SCAI: variants seen among roughly 807,000 people sequenced by gnomAD.
SCAI encodes the protein protein SCAI.
A neutral mutation model predicts 92.2 loss-of-function variants in SCAI; 24 were observed. The observed-to-expected ratio is 0.26, with a 90% CI of 0.19 to 0.37. The LOEUF is 0.37. Ranked by LOEUF, SCAI falls within the 10% of genes least tolerant of loss-of-function variation. The pLI, the probability that SCAI is intolerant of heterozygous loss-of-function variation, is 1.00. For missense variants in SCAI, 450 were observed against 736.2 expected, an observed-to-expected ratio of 0.61 and a Z score of 4.50; for synonymous variants, 261 against 258.6, an observed-to-expected ratio of 1.01 and a Z score of -0.09.
At chr9:124,963,545 T>A (rs547982922) in intron 17 of SCAI, among the ~76,000 whole-genome samples, 134 of 150,326 alleles carry the variant, frequency 8.9e-4, no homozygotes, top group Non-Finnish European at 1.3e-3. Context: ...AGGCCAGGAG[T>A]TCGAGACCAG....
At chr9:125,013,500 T>C (rs1251820679) in intron 9 of SCAI, among the ~76,000 whole-genome samples, 2 of 152,280 alleles carry the variant, frequency 1.3e-5, no homozygotes, top group Admixed American at 1.3e-4. Context: ...AATCTCTGAA[T>C]AGACCAGTAA....
rs1198121516 is a variant in SCAI at position 124,949,211 on chromosome 9, G to A, written c.*3596C>T. 6.6e-6 allele frequency: 1 copy of A among 152,336 alleles called. No homozygotes were observed. Among genetic ancestry groups the A allele is most frequent in the African/African-American group, 2.4e-5 (1 of 41,448 alleles). The allele number at this position is 152,336 out of a possible 1,614,324, so 9.4% of individuals were successfully genotyped here. A position where few individuals can be genotyped will look rare whatever the true frequency, so the allele number is the denominator to read the frequency against. On this transcript the variant is annotated 3_prime_UTR_variant, in exon 18 of 18. Transcript: ENST00000336505. The surrounding 1 kb of genome is among the most constrained non-coding windows in gnomAD (Gnocchi z 4.0). ...CCATCTCAAAACACAAAATTAGCTG[G>A]GTGTGGTGGCACATGCCTGTAATCC...
intron 2 of SCAI, among the ~76,000 whole-genome samples, chr9:125,075,075 A>G (rs1198361664): frequency 1.3e-5 from 2 of 152,206 alleles, no homozygotes; most frequent in East Asian, 3.8e-4. Context: ...GATGCATGGA[A>G]TGACTATTTA....
At chr9:125,111,574 T>A (rs530560585) in intron 2 of SCAI, among the ~76,000 whole-genome samples, 1 of 150,012 alleles carries the variant, frequency 6.7e-6, no homozygotes, top group Non-Finnish European at 1.5e-5. Context: ...TTTTTTTTTT[T>A]AGTCCATCAG....
At chr9:125,064,585 C>G (rs779679621) in intron 2 of SCAI, among the ~76,000 whole-genome samples, 5 of 152,114 alleles carry the variant, frequency 3.3e-5, no homozygotes, top group Non-Finnish European at 5.9e-5. Context: ...GTGGCTCATA[C>G]CTGTAATCTC....
chr9:125,113,818 C>T (rs1435873830), intron 2 of SCAI, among the ~76,000 whole-genome samples: 3 of 151,820 alleles, frequency 2.0e-5, no homozygotes, highest in Non-Finnish European at 4.4e-5. Context: ...CAAAATTAGC[C>T]GGGCGTGGTG....
Position 124,950,587 on chromosome 9 carries a change from A to G in SCAI, c.*2220T>C, listed in dbSNP as rs910916552. The G allele has an allele frequency of 1.3e-5, 2 of 152,204 alleles. No individual in the cohort carries two copies. The highest frequency in any genetic ancestry group is 1.9e-4 in the East Asian group (1 of 5,194). 9.4% of individuals were successfully genotyped at this position (152,204 alleles called of 1,614,324 possible). A position where few individuals can be genotyped will look rare whatever the true frequency, so the allele number is the denominator to read the frequency against. On this transcript the variant is annotated 3_prime_UTR_variant, in exon 18 of 18. Coordinates refer to ENST00000336505, the MANE Select transcript of SCAI (RefSeq NM_001144877.3). ...GAAGATAGTCTATTGCTGTAGTTCA[A>G]TGAACACTGTTACTAAAGGAAAGCT...
intron 2 of SCAI, among the ~76,000 whole-genome samples, chr9:125,105,335 A>C (rs970625473): frequency 6.6e-6 from 1 of 152,208 alleles, no homozygotes; most frequent in Non-Finnish European, 1.5e-5. Context: ...TCATTACTGC[A>C]ACAGTAAATA....
Position 125,003,528 on chromosome 9 carries a change from G to C in SCAI, c.904C>G (p.Gln302Glu). 1 of 1,613,204 alleles carries C rather than the reference G, an allele frequency of 6.2e-7. No individual in the cohort carries two copies. Among genetic ancestry groups the C allele is most frequent in the East Asian group, 2.2e-5 (1 of 44,866 alleles). ...TTCATTGGCTCCCTTTCCAGAGCTTGTAACATCCGGAACATGTCAACAGTT... is the reference window on the plus strand; with the variant it reads ...TTCATTGGCTCCCTTTCCAGAGCTTCTAACATCCGGAACATGTCAACAGTT... The part of the protein sequence containing the change: ...ELTVDMFRML[Q>E]ALEREPMNLA... Residue 302 changes from glutamine to glutamate, a missense_variant, in exon 10 of 18, where the codon CAA becomes GAA. By Grantham distance (29) the Gln-to-Glu change is conservative (BLOSUM62 2). Transcript: ENST00000336505.
Position 125,091,619 on chromosome 9 carries a change from A to G in SCAI, c.99-35612T>C, listed in dbSNP as rs533093341. 1.1e-4 allele frequency among the ~76,000 whole-genome samples: 16 copies of G among 152,330 alleles called. No homozygotes were observed. The highest frequency in any genetic ancestry group is 3.8e-4 in the African/African-American group (16 of 41,564). On this transcript the variant is annotated intron_variant, in intron 2 of 17. Coordinates refer to ENST00000336505, the MANE Select transcript of SCAI (RefSeq NM_001144877.3). The surrounding 1 kb of genome is among the most constrained non-coding windows in gnomAD (Gnocchi z 4.3). Reference sequence around the variant, plus strand: ...CCTGGGCTACTAAATAGGGCTGAAGAAATACACATAATCATGCTGACTGAT... The same window carrying G: ...CCTGGGCTACTAAATAGGGCTGAAGGAATACACATAATCATGCTGACTGAT...
intron 2 of SCAI, among the ~76,000 whole-genome samples, chr9:125,130,347 G>A (rs879705204): frequency 3.3e-5 from 5 of 152,192 alleles, no homozygotes; most frequent in South Asian, 4.1e-4. Context: ...CCAATTGGTC[G>A]GGGGGACAGA....
intron 12 of SCAI, among the ~76,000 whole-genome samples, chr9:125,001,359 G>C (rs1832357240): frequency 1.3e-5 from 2 of 152,180 alleles, no homozygotes; most frequent in South Asian, 4.1e-4. Context: ...TTACATCCAA[G>C]TTACTTATCT....
At chr9:125,050,137 T>C (rs1833530593) in intron 3 of SCAI, among the ~76,000 whole-genome samples, 2 of 151,814 alleles carry the variant, frequency 1.3e-5, no homozygotes, top group South Asian at 4.2e-4. Context: ...GGGCTTAATA[T>C]TAAAAACTGA....
At chr9:124,998,162 A>C (rs1196567467) in intron 13 of SCAI, among the ~76,000 whole-genome samples, 1 of 151,970 alleles carries the variant, frequency 6.6e-6, no homozygotes, top group Non-Finnish European at 1.5e-5. Context: ...AAACCAACAA[A>C]ACCTTGTATT....
At chr9:124,977,768 C>G (rs2131595962) in intron 14 of SCAI, among the ~76,000 whole-genome samples, 1 of 152,236 alleles carries the variant, frequency 6.6e-6, no homozygotes, top group Non-Finnish European at 1.5e-5. Flanking sequence ...ACCAATGGAA[C>G]AGAATGAAAA....
chr9:125,078,993 T>A (rs1200002312), intron 2 of SCAI, among the ~76,000 whole-genome samples: 1 of 152,220 alleles, frequency 6.6e-6, no homozygotes, highest in Non-Finnish European at 1.5e-5. Flanking sequence ...AATAAGCTTG[T>A]CTTGCAATTG....
At chr9:125,058,031 C>G (rs1833705998) in intron 2 of SCAI, among the ~76,000 whole-genome samples, 1 of 151,132 alleles carries the variant, frequency 6.6e-6, no homozygotes, top group African/African-American at 2.4e-5. Flanking sequence ...GCCAGCAGTT[C>G]AAGGGTGCAG....
intron 17 of SCAI, among the ~76,000 whole-genome samples, chr9:124,966,486 G>C (rs1172218234): frequency 1.3e-5 from 2 of 151,916 alleles, no homozygotes; most frequent in African/African-American, 4.8e-5. Context: ...ACTGTGAATG[G>C]TACCATATAT....
At chr9:125,138,464 G>A (rs549488713) in intron 2 of SCAI, among the ~76,000 whole-genome samples, 57 of 152,052 alleles carry the variant, frequency 3.7e-4, no homozygotes, top group African/African-American at 1.4e-3. Context: ...GCCCAGGCTG[G>A]AGTGCAGTGG....
Sources: allele counts gnomAD v4.1 joint callset (sites outside exome capture counted in the v4.1 genomes callset), GRCh38; gene constraint gnomAD v4.1.1; non-coding constraint Gnocchi (gnomAD v3.1); transcripts MANE v1.5; gene names NCBI Gene and HGNC (gene_info 2026-07-23, HGNC 2026-07-21).